Variants in GRIP1 observed in about 807,000 individuals in gnomAD.
The protein encoded by GRIP1 is glutamate receptor-interacting protein 1.
A neutral mutation model predicts 129.9 loss-of-function variants in GRIP1; 45 were observed. The ratio of observed to expected loss-of-function variants is 0.35; its 90% CI spans 0.27 to 0.44. The LOEUF (loss-of-function observed/expected upper bound fraction) is 0.44. Ranked by LOEUF, GRIP1 falls within the 20% of genes least tolerant of loss-of-function variation. The pLI is 1.00. For synonymous variants in GRIP1, 530 were observed against 520.8 expected, an observed-to-expected ratio of 1.02 and a Z score of -0.24; for missense variants, 1,196 against 1,396.8, an observed-to-expected ratio of 0.86 and a Z score of 2.29.
chr12:66,739,657 G>A (rs2036724132), intron 1 of GRIP1, among the ~76,000 whole-genome samples: 1 of 151,728 alleles, frequency 6.6e-6, no homozygotes, highest in African/African-American at 2.4e-5. Context: ...TAGGTGATGG[G>A]TTGATGGGTG....
intron 1 of GRIP1, among the ~76,000 whole-genome samples, chr12:66,792,358 C>G (rs1043896130): frequency 1.3e-4 from 20 of 152,072 alleles, no homozygotes; most frequent in Admixed American, 9.8e-4. Flanking sequence ...GTCCACACCC[C>G]CTTCTCCCAA....
intron 1 of GRIP1, among the ~76,000 whole-genome samples, chr12:66,781,095 CA>C (rs1482132836): frequency 6.6e-6 from 1 of 152,118 alleles, no homozygotes; most frequent in East Asian, 1.9e-4. Context: ...ACGGCGATAC[CA>C]CAGTTTTAAT....
intron 4 of GRIP1, among the ~76,000 whole-genome samples, chr12:66,532,706 A>G (rs1367393499): frequency 2.0e-5 from 3 of 152,012 alleles, no homozygotes; most frequent in Non-Finnish European, 2.9e-5. Context: ...TGCTCCCTCA[A>G]ACTGAATCCC....
At chr12:66,526,351 A>G (rs1381535175) in intron 5 of GRIP1, among the ~76,000 whole-genome samples, 1 of 152,204 alleles carries the variant, frequency 6.6e-6, no homozygotes, top group African/African-American at 2.4e-5. Context: ...ATGGAACAGA[A>G]CAGAGCCCTC....
intron 1 of GRIP1, among the ~76,000 whole-genome samples, chr12:67,060,208 G>A (rs917705460): frequency 6.6e-6 from 1 of 152,214 alleles, no homozygotes; most frequent in Non-Finnish European, 1.5e-5. Context: ...TGTAAATGAT[G>A]TGTTCATGCC....
At chr12:66,411,446 G>A (rs1355257943) in intron 15 of GRIP1, among the ~76,000 whole-genome samples, 3 of 152,126 alleles carry the variant, frequency 2.0e-5, no homozygotes, top group African/African-American at 7.2e-5. Context: ...CATCATTAAC[G>A]AAAAGACCCC....
intron 1 of GRIP1, among the ~76,000 whole-genome samples, chr12:67,057,728 C>T (rs552247086): frequency 8.5e-5 from 13 of 152,270 alleles, no homozygotes; most frequent in Admixed American, 5.2e-4. Flanking sequence ...CCAGATGAGG[C>T]GCTTTCTCAG....
intron 1 of GRIP1, among the ~76,000 whole-genome samples, chr12:66,924,373 G>A (rs748601242): frequency 9.9e-5 from 15 of 152,114 alleles, no homozygotes; most frequent in Non-Finnish European, 2.1e-4. Flanking sequence ...TAGGGGAAAC[G>A]CTAGGAAAAA....
At chr12:66,454,684 G>A (rs73319211) in intron 11 of GRIP1, among the ~76,000 whole-genome samples, 2,729 of 152,142 alleles carry the variant, frequency 0.018, 64 homozygotes, top group African/African-American at 0.061. Flanking sequence ...AGTCTATATC[G>A]TGTTTGGCTG....
intron 1 of GRIP1, among the ~76,000 whole-genome samples, chr12:66,908,621 G>A (rs1185054010): frequency 2.0e-5 from 3 of 152,154 alleles, no homozygotes; most frequent in Non-Finnish European, 4.4e-5. Flanking sequence ...TTTATGAGGA[G>A]TGAGATTGGA....
chr12:66,502,079 C>T (rs905273240), intron 7 of GRIP1, among the ~76,000 whole-genome samples: 5 of 151,904 alleles, frequency 3.3e-5, no homozygotes, highest in South Asian at 2.1e-4. Context: ...TTTATGGTTA[C>T]ATCAATGAAA....
At chr12:66,655,874 C>T (rs964777139) in intron 1 of GRIP1, among the ~76,000 whole-genome samples, 2 of 152,118 alleles carry the variant, frequency 1.3e-5, no homozygotes, top group African/African-American at 4.8e-5. Context: ...GCTGGGATTA[C>T]AGGTGTGAGC....
At chr12:66,407,192 T>C (rs2057222628) in intron 15 of GRIP1, among the ~76,000 whole-genome samples, 1 of 152,268 alleles carries the variant, frequency 6.6e-6, no homozygotes, top group East Asian at 1.9e-4. Context: ...TCTTTTAAGT[T>C]ACCCTCTAAA....
upstream of GRIP1, chr12:66,804,293 G>A: frequency 3.3e-6 from 1 of 303,978 alleles, no homozygotes; most frequent in South Asian, 2.8e-5. Flanking sequence ...CCTGGACCAG[G>A]ACAGCTACCC....
intron 1 of GRIP1, among the ~76,000 whole-genome samples, chr12:67,059,602 A>T (rs2043496760): frequency 6.6e-6 from 1 of 152,256 alleles, no homozygotes; most frequent in African/African-American, 2.4e-5. Context: ...TGTGTTCTTA[A>T]TTGACAAGAT....
chr12:66,625,509 A>C, intron 1 of GRIP1, among the ~76,000 whole-genome samples: 1 of 152,246 alleles, frequency 6.6e-6, no homozygotes, highest in East Asian at 1.9e-4. Context: ...AAATACAGTC[A>C]TTTATACTAT....
chr12:66,361,492 C>T (rs2054763912), intron 23 of GRIP1, among the ~76,000 whole-genome samples: 1 of 152,198 alleles, frequency 6.6e-6, no homozygotes, highest in African/African-American at 2.4e-5. Flanking sequence ...TCCCAGAGCA[C>T]CTTCACACAT....
At chr12:66,853,257 T>C (rs567680067) in intron 1 of GRIP1, among the ~76,000 whole-genome samples, 86 of 151,982 alleles carry the variant, frequency 5.7e-4, no homozygotes, top group African/African-American at 2.0e-3. Flanking sequence ...GTTCCTTAAA[T>C]ACTCCCAAAT....
At chr12:66,671,064 ACTTCCAG>A (rs1402491329) in intron 1 of GRIP1, among the ~76,000 whole-genome samples, 3 of 152,162 alleles carry the variant, frequency 2.0e-5, no homozygotes, top group Non-Finnish European at 2.9e-5. Context: ...AACAGGCCAC[ACTTCCAG>A]GCAATTAAAT....
Sources: gnomAD v4.1 joint callset for allele counts (sites outside exome capture counted in the v4.1 genomes callset) on GRCh38, gnomAD v4.1.1 for gene constraint, MANE v1.5 for transcripts, NCBI Gene and HGNC (gene_info 2026-07-23, HGNC 2026-07-21) for gene names.